NBEA: variants seen among roughly 807,000 people sequenced by gnomAD.
NBEA encodes the protein lysosomal-trafficking regulator 2.
In NBEA, 44 loss-of-function variants were observed where a neutral mutation model predicts 343.4. The ratio of observed to expected loss-of-function variants is 0.13; its 90% CI spans 0.10 to 0.16. The LOEUF (loss-of-function observed/expected upper bound fraction) is 0.16. Among genes scored for constraint, NBEA ranks in the 10% least tolerant of loss-of-function variants. The pLI is 1.00. For missense variants in NBEA, 2,555 were observed against 3,631.3 expected, an observed-to-expected ratio of 0.70 and a Z score of 7.62; for synonymous variants, 1,175 against 1,238.7, an observed-to-expected ratio of 0.95 and a Z score of 1.08.
chr13:35,462,106 C>G (rs79802319), intron 40 of NBEA, among the ~76,000 whole-genome samples: 4,776 of 152,218 alleles, frequency 0.031, 192 homozygotes, highest in East Asian at 0.17. Flanking sequence ...GATGCTAGAT[C>G]GAAACTTCAC....
intron 38 of NBEA, among the ~76,000 whole-genome samples, chr13:35,388,963 G>A (rs916987881): frequency 2.0e-5 from 3 of 150,978 alleles, no homozygotes; most frequent in East Asian, 1.9e-4. Context: ...TTCTCTAAAC[G>A]TTTACGAAGA....
chr13:35,319,320 A>G (rs1312611242), intron 36 of NBEA, among the ~76,000 whole-genome samples: 1 of 152,178 alleles, frequency 6.6e-6, no homozygotes, highest in African/African-American at 2.4e-5. Context: ...TTGGTTTCAA[A>G]GAATTATTTA....
intron 34 of NBEA, among the ~76,000 whole-genome samples, chr13:35,276,935 A>C (rs987724361): frequency 2.6e-5 from 4 of 152,204 alleles, no homozygotes; most frequent in African/African-American, 9.6e-5. Flanking sequence ...GTAATATTAC[A>C]TTACATATTT....
At chr13:35,475,178 G>C in intron 41 of NBEA, 1 of 1,614,118 alleles carries the variant, frequency 6.2e-7, no homozygotes, top group Non-Finnish European at 8.5e-7. Flanking sequence ...AAGTTCGGTA[G>C]AAAGTAGTGG....
chr13:35,527,207 A>G (rs979721797), intron 41 of NBEA, among the ~76,000 whole-genome samples: 1 of 152,048 alleles, frequency 6.6e-6, no homozygotes, highest in East Asian at 1.9e-4. Context: ...AGACGGGAGG[A>G]AGTACATGGT....
At chr13:35,199,845 C>T (rs915269682) in intron 31 of NBEA, among the ~76,000 whole-genome samples, 1 of 152,038 alleles carries the variant, frequency 6.6e-6, no homozygotes, top group Non-Finnish European at 1.5e-5. Flanking sequence ...TGAAATATTA[C>T]ATAAATGTTC....
chr13:35,645,641 A>G (rs988997120), intron 49 of NBEA, among the ~76,000 whole-genome samples: 1 of 152,190 alleles, frequency 6.6e-6, no homozygotes, highest in Non-Finnish European at 1.5e-5. Flanking sequence ...AATTTTTGAG[A>G]AAATGAATTT....
chr13:35,321,193 C>G (rs1309865906), intron 36 of NBEA, among the ~76,000 whole-genome samples: 3 of 152,106 alleles, frequency 2.0e-5, no homozygotes, highest in African/African-American at 7.2e-5. Flanking sequence ...GAATTTTCAG[C>G]CTTTTTCAGC....
At chr13:35,071,006 A>G (rs2063844839) in intron 10 of NBEA, 154 bp downstream of exon 10, 1 of 664,444 alleles carries the variant, frequency 1.5e-6, no homozygotes, top group South Asian at 6.4e-5. Context: ...ATAGATATTT[A>G]TACAATAAAT....
intron 46 of NBEA, 40 bp from the exon 47 acceptor site, chr13:35,593,288 T>C (rs1172062470): frequency 6.2e-7 from 1 of 1,608,336 alleles, no homozygotes; most frequent in Admixed American, 1.7e-5. Flanking sequence ...GGCAGCTGTG[T>C]TTAGAGTGGT....
chr13:34,991,151 T>G (rs894559669), intron 1 of NBEA, among the ~76,000 whole-genome samples: 1 of 152,240 alleles, frequency 6.6e-6, no homozygotes, highest in Non-Finnish European at 1.5e-5. Context: ...TCCTGTCTTA[T>G]GAGCTCTCCA....
chr13:35,159,482 T>C lies in NBEA; in HGVS notation c.3311T>C (p.Val1104Ala), dbSNP rs1411287186. 2 of 1,613,370 alleles carry C rather than the reference T, an allele frequency of 1.2e-6. No individual in the cohort carries two copies. The highest frequency in any genetic ancestry group is 3.3e-5 in the Admixed American group (2 of 59,906). ...TTGGATAATGTATATAGTGCTGCTG[T>C]TGAGAAACTCCAGAACAATGTACAT... is the stretch of plus-strand genomic sequence containing the variant. Reference protein sequence around the residue: ...SLLDNVYSAAVEKLQNNVHGS... With the variant: ...SLLDNVYSAAAEKLQNNVHGS... Residue 1104 changes from valine (V) to alanine (A), a missense_variant, in exon 22 of 59, where the codon GTT becomes GCT. Physicochemically the swap from Val to Ala is moderately conservative, Grantham distance 64 (BLOSUM62 0). Transcript: ENST00000379939.
chr13:35,444,280 C>T (rs1055510010), intron 39 of NBEA, among the ~76,000 whole-genome samples: 2 of 151,870 alleles, frequency 1.3e-5, no homozygotes, highest in Non-Finnish European at 2.9e-5. Flanking sequence ...TATCTTAAAT[C>T]TTTTTCCTTT....
chr13:35,668,651 G>A, intron 58 of NBEA, 132 bp downstream of exon 58: 4 of 861,648 alleles, frequency 4.6e-6, no homozygotes, highest in Non-Finnish European at 6.6e-6. Flanking sequence ...AAAGAAAAGG[G>A]GAAAATGAGG....
At chr13:35,374,423 C>G (rs916313467) in intron 38 of NBEA, among the ~76,000 whole-genome samples, 4 of 152,100 alleles carry the variant, frequency 2.6e-5, no homozygotes, top group Admixed American at 2.0e-4. Flanking sequence ...GGAAGAATTA[C>G]GAAAATGTGA....
chr13:35,545,465 A>G (rs1300022174), intron 41 of NBEA, among the ~76,000 whole-genome samples: 2 of 152,214 alleles, frequency 1.3e-5, no homozygotes, highest in Non-Finnish European at 2.9e-5. Context: ...GGTATAGTCC[A>G]AGGAAGCCAC....
In NBEA at chr13:35,617,720, G is replaced by T. The variant is rs201594783; in HGVS notation, c.7450-10361G>T. On this transcript the variant is annotated intron_variant, in intron 48 of 58. Transcript: ENST00000379939. The stretch of plus-strand genomic sequence containing the variant: ...TTTCCTTCATAGCACCTTTTTCATA[G>T]TTTCTGTTGCTCCAACTCCTGGTCG... Among the ~76,000 whole-genome samples, 437 of 152,224 alleles carry T rather than the reference G, an allele frequency of 2.9e-3. 4 individuals carry two copies. Among genetic ancestry groups the T allele is most frequent in the East Asian group, 0.016 (81 of 5,178 alleles).
chr13:35,238,749 T>G (rs1290939222), intron 34 of NBEA, among the ~76,000 whole-genome samples: 1 of 152,160 alleles, frequency 6.6e-6, no homozygotes, highest in Non-Finnish European at 1.5e-5. Context: ...TGCAGGAAAT[T>G]TCACTGAAGG....
intron 18 of NBEA, among the ~76,000 whole-genome samples, chr13:35,153,622 C>T (rs1482132339): frequency 6.6e-6 from 1 of 152,120 alleles, no homozygotes; most frequent in Non-Finnish European, 1.5e-5. Flanking sequence ...TTTAATCTTC[C>T]TAGCAGTTTT....
Sources: allele counts gnomAD v4.1 joint callset (sites outside exome capture counted in the v4.1 genomes callset), GRCh38; gene constraint gnomAD v4.1.1; transcripts MANE v1.5; gene names NCBI Gene and HGNC (gene_info 2026-07-23, HGNC 2026-07-21).